The following PLEKHM1 variants were observed in gnomAD, a reference collection of about 807,000 sequenced individuals.
PLEKHM1 encodes the protein pleckstrin homology and RUN domain containing M1.
In PLEKHM1, 28 loss-of-function variants were observed where a neutral mutation model predicts 94.3. That is an observed-to-expected ratio of 0.30 (90% CI 0.22 to 0.41). PLEKHM1 has a LOEUF of 0.41. PLEKHM1 is among the 10% of genes least tolerant of loss of function. The pLI is 1.00. For synonymous variants in PLEKHM1, 424 were observed against 581.2 expected (o/e 0.73, Z 3.89); for missense variants, 907 against 1,358.6 (o/e 0.67, Z 5.22).
intron 8 of PLEKHM1, among the ~76,000 whole-genome samples, chr17:45,449,351 C>T (rs1173819753): frequency 6.6e-6 from 1 of 151,780 alleles, no homozygotes; most frequent in East Asian, 1.9e-4. Context: ...CCCATCTAGC[C>T]ATCTGCCCAT....
intron 1 of PLEKHM1, among the ~76,000 whole-genome samples, chr17:45,483,051 G>T (rs2052004586): frequency 6.6e-6 from 1 of 151,806 alleles, no homozygotes; most frequent in South Asian, 2.1e-4. Flanking sequence ...AGTACCACTG[G>T]AACGGCTTCA....
intron 4 of PLEKHM1, among the ~76,000 whole-genome samples, chr17:45,473,785 C>G (rs12950965): frequency 0.13 from 19,705 of 152,060 alleles, 1,603 homozygotes; most frequent in Middle Eastern, 0.22. Context: ...GTCTCGATCT[C>G]TTGCCTTTGT....
At chr17:45,441,832 C>A (rs544337945) in intron 9 of PLEKHM1, among the ~76,000 whole-genome samples, 3 of 152,152 alleles carry the variant, frequency 2.0e-5, no homozygotes, top group Admixed American at 1.3e-4. Context: ...TGTCCTCTGG[C>A]GTGAGGCTGG....
chr17:45,452,785 T>G (rs1181764949), intron 7 of PLEKHM1: 1 of 169,020 alleles, frequency 5.9e-6, no homozygotes, highest in Non-Finnish European at 1.3e-5. Flanking sequence ...CCCCTTTAAA[T>G]GCAAATGAAT....
At chr17:45,478,660 G>A (rs1299758842) in intron 2 of PLEKHM1, among the ~76,000 whole-genome samples, 1 of 152,202 alleles carries the variant, frequency 6.6e-6, no homozygotes, top group African/African-American at 2.4e-5. Context: ...ACAGGAGCAT[G>A]GTTTACTTTA....
intron 4 of PLEKHM1, among the ~76,000 whole-genome samples, chr17:45,474,035 C>A (rs1327509718): frequency 6.6e-6 from 1 of 150,838 alleles, no homozygotes; most frequent in Non-Finnish European, 1.5e-5. Flanking sequence ...ATTATCTATG[C>A]AAATTTTTTA....
intron 1 of PLEKHM1, among the ~76,000 whole-genome samples, chr17:45,485,654 T>C (rs1283833793): frequency 1.3e-5 from 2 of 151,850 alleles, no homozygotes; most frequent in African/African-American, 4.8e-5. Context: ...TCCCAGCACT[T>C]TGGGAGGCCG....
At chr17:45,481,376 C>T (rs1250547439) in intron 2 of PLEKHM1, among the ~76,000 whole-genome samples, 1 of 151,250 alleles carries the variant, frequency 6.6e-6, no homozygotes, top group African/African-American at 2.5e-5. Context: ...TTGGTAGTAT[C>T]CTTTGAAGCT....
chr17:45,439,643 G>A lies in PLEKHM1; in HGVS notation c.2902-9C>T, dbSNP rs1269766054. The A allele has an allele frequency of 2.0e-5, 32 of 1,613,834 alleles. No individual in the cohort carries two copies. The highest frequency in any genetic ancestry group is 2.7e-5 in the Non-Finnish European group (32 of 1,179,956). ...TACACCCCGTCTGCGATCTGCGGAG[G>A]GCAAGTAGGAATCCTTCATACACCC... On this transcript the variant is annotated splice_polypyrimidine_tract_variant and intron_variant, in intron 10 of 11. Coordinates refer to ENST00000430334, the MANE Select transcript of PLEKHM1 (RefSeq NM_014798.3).
intron 1 of PLEKHM1, among the ~76,000 whole-genome samples, chr17:45,482,826 G>A (rs1305756616): frequency 2.6e-5 from 4 of 152,156 alleles, no homozygotes; most frequent in Middle Eastern, 3.4e-3. Context: ...GGCCCTGTAG[G>A]ATTGAAACCT....
At chr17:45,449,873 TCCATCCACCTAA>T (rs2050721692) in intron 8 of PLEKHM1, among the ~76,000 whole-genome samples, 2 of 78,518 alleles carry the variant, frequency 2.5e-5, no homozygotes, top group African/African-American at 5.0e-5. Context: ...TACCTACCTA[TCCATCCACCTAA>T]CCATCCACCT....
In PLEKHM1 at chr17:45,478,196, A is replaced by T. The variant is rs375082938; in HGVS notation, c.49-49T>A. On this transcript the variant is annotated intron_variant, in intron 2 of 11. Transcript: ENST00000430334. ...AGGCCTTTAGCGGAAAATCCTATGG[A>T]GAGTCCCTAGAGTGTAATCCTTTAG... 10 of 1,612,136 alleles carry T rather than the reference A, an allele frequency of 6.2e-6. No individual in the cohort carries two copies. The African/African-American group carries it at 1.2e-4, about 19-fold the overall frequency.
intron 5 of PLEKHM1, among the ~76,000 whole-genome samples, chr17:45,464,976 C>T (rs570236972): frequency 7.5e-4 from 114 of 152,068 alleles, no homozygotes; most frequent in Non-Finnish European, 1.2e-3. Flanking sequence ...TTTATTCACA[C>T]ATCTTGTATG....
rs927917647 is a variant in PLEKHM1 at position 45,437,150 on chromosome 17, A to G, written c.*708T>C. On this transcript the variant is annotated 3_prime_UTR_variant, in exon 12 of 12. Transcript: ENST00000430334. This position sits in a 1 kb window ranked among gnomAD's most constrained non-coding sequence, Gnocchi z 4.0. ...AAGAGCTAGGGGCTCTGACGCTGAG[A>G]AAGCGGTGGGCTCAGCAGGCGAGAC... is the stretch of plus-strand genomic sequence containing the variant. 1.3e-5 allele frequency: 6 copies of G among 453,484 alleles called. No homozygotes were observed. The highest frequency in any genetic ancestry group is 1.0e-4 in the African/African-American group (5 of 50,008). 28.1% of individuals were successfully genotyped at this position (453,484 alleles called of 1,614,324 possible). A position where few individuals can be genotyped will look rare whatever the true frequency, so the allele number is the denominator to read the frequency against.
chr17:45,453,402 G>C lies in PLEKHM1; in HGVS notation c.2450C>G (p.Ala817Gly). 3 of 1,613,914 alleles carry C rather than the reference G, an allele frequency of 1.9e-6. No homozygotes were observed. ...GTCAAGGCCTTTCTCCATGGGGATAGCCACCAGGTACTGCAGCAGGAAGCC... is the reference window on the plus strand; with the variant it reads ...GTCAAGGCCTTTCTCCATGGGGATACCCACCAGGTACTGCAGCAGGAAGCC... ...ENGFLLQYLVAIPMEKGLDSQ... is the reference protein window; with the variant it reads ...ENGFLLQYLVGIPMEKGLDSQ... The change falls in exon 7 of 12, where the codon GCT becomes GGT. Residue 817 changes from alanine to glycine, a missense_variant. By Grantham distance (60) the Ala-to-Gly change is moderately conservative. Coordinates refer to ENST00000430334, the MANE Select transcript of PLEKHM1 (RefSeq NM_014798.3). The surrounding 1 kb of genome is among the most constrained non-coding windows in gnomAD (Gnocchi z 4.1).
intron 6 of PLEKHM1, 65 bp from the exon 7 acceptor site, chr17:45,454,337 C>T: frequency 2.8e-6 from 4 of 1,429,274 alleles, no homozygotes; most frequent in Non-Finnish European, 3.9e-6. Context: ...CCCAAGGCAG[C>T]CTCTGCTGCC....
At chr17:45,488,726 G>T (rs1230053370) in intron 1 of PLEKHM1, among the ~76,000 whole-genome samples, 1 of 151,982 alleles carries the variant, frequency 6.6e-6, no homozygotes, top group Non-Finnish European at 1.5e-5. Context: ...ATCACCTGAG[G>T]TCGGGAGTTG....
chr17:45,435,383 C>T (rs1279468112), downstream of PLEKHM1, among the ~76,000 whole-genome samples: 1 of 152,196 alleles, frequency 6.6e-6, no homozygotes, highest in Non-Finnish European at 1.5e-5. Flanking sequence ...CTGGGCTTCT[C>T]CTGGAACTTC....
Position 45,437,633 on chromosome 17 carries a change from G to C in PLEKHM1, c.*225C>G. On this transcript the variant is annotated 3_prime_UTR_variant, in exon 12 of 12. Transcript: ENST00000430334. The surrounding 1 kb of genome is among the most constrained non-coding windows in gnomAD (Gnocchi z 4.0). ...TGCCCCAGACAGGGAGCATCTGGTGGTGGCCACGCCTCCTGCAGCAGAGGG... is the reference window on the plus strand; with the variant it reads ...TGCCCCAGACAGGGAGCATCTGGTGCTGGCCACGCCTCCTGCAGCAGAGGG... 1 of 677,464 alleles carries C rather than the reference G, an allele frequency of 1.5e-6. No homozygotes were observed. The highest frequency in any genetic ancestry group is 2.7e-6 in the Non-Finnish European group (1 of 370,478). 42.0% of individuals were successfully genotyped at this position (677,464 alleles called of 1,614,324 possible).
Sources: allele counts gnomAD v4.1 joint callset (sites outside exome capture counted in the v4.1 genomes callset), GRCh38; gene constraint gnomAD v4.1.1; non-coding constraint Gnocchi (gnomAD v3.1); transcripts MANE v1.5; gene names NCBI Gene and HGNC (gene_info 2026-07-23, HGNC 2026-07-21).